EMC1: variants seen among roughly 807,000 people sequenced by gnomAD.
EMC1 encodes ER membrane protein complex subunit 1, also known as KIAA0090.
Under a neutral mutation model 128.8 loss-of-function variants are expected in EMC1, and 103 were observed. The observed-to-expected ratio is 0.80, with a 90% CI of 0.68 to 0.94. EMC1 has a LOEUF of 0.94. Among genes scored for constraint, EMC1 ranks in the 40% least tolerant of loss-of-function variants. The pLI is 0.00. For missense variants in EMC1, 1,083 were observed against 1,250.6 expected, an observed-to-expected ratio of 0.87 and a Z score of 2.02; for synonymous variants, 442 against 490.4, an observed-to-expected ratio of 0.90 and a Z score of 1.30.
intron 17 of EMC1, 132 bp downstream of exon 17, chr1:19,230,712 T>G (rs1339298735): frequency 1.7e-6 from 2 of 1,200,142 alleles, no homozygotes; most frequent in Admixed American, 2.1e-5. Flanking sequence ...TGATTGACTT[T>G]GTATCAGACA....
chr1:19,235,206 C>A lies in EMC1; in HGVS notation c.1356G>T (p.Val452=). ...LWSREESLAE[V]VCLEMVDLPL... ...GGAGGTCCACCATCTCTAGGCACAC[C>A]ACTTCTGCCAGGGACTCCTCACGGC... Residue 452 remains valine (V), a synonymous_variant, in exon 13 of 23, where the codon GTG becomes GTT. Coordinates refer to ENST00000477853, the MANE Select transcript of EMC1 (RefSeq NM_015047.3). The A allele has an allele frequency of 6.2e-7, 1 of 1,613,890 alleles. No individual in the cohort carries two copies. The highest frequency in any genetic ancestry group is 2.2e-5 in the East Asian group (1 of 44,866).
At chr1:19,220,087 G>C (rs947120355) in intron 21 of EMC1, 3 of 203,926 alleles carry the variant, frequency 1.5e-5, no homozygotes, top group Non-Finnish European at 3.0e-5. Context: ...TTATCATCCT[G>C]TGTCTTTTCC....
At chr1:19,236,841 G>C (rs1461124897) in intron 12 of EMC1, among the ~76,000 whole-genome samples, 1 of 151,544 alleles carries the variant, frequency 6.6e-6, no homozygotes, top group Admixed American at 6.6e-5. Flanking sequence ...GGTGGCACAC[G>C]CCTGTAATCC....
Position 19,232,945 on chromosome 1 carries a change from G to A in EMC1, c.1623C>T (p.Ala541=). ...CTTAAACCCCACTCACCTTGCCTGA[G>A]GCTGTTACCATCACCATCATCTTCT... ...NLQKMMVMVT[A]SGKLFGIESS... The change falls in exon 14 of 23, where the codon GCC becomes GCT. Residue 541 remains alanine, a synonymous_variant. Coordinates refer to ENST00000477853, the MANE Select transcript of EMC1 (RefSeq NM_015047.3). 8.1e-6 allele frequency: 13 copies of A among 1,614,050 alleles called. No individual in the cohort carries two copies. Among genetic ancestry groups the A allele is most frequent in the Non-Finnish European group, 1.1e-5 (13 of 1,179,930 alleles).
chr1:19,236,314 A>T (rs2093562965), intron 12 of EMC1, among the ~76,000 whole-genome samples: 1 of 151,634 alleles, frequency 6.6e-6, no homozygotes, highest in African/African-American at 2.4e-5. Context: ...AGCTGAGATT[A>T]CACCATTCCA....
rs2151963886 is a variant in EMC1, at chr1:19,245,025, T to C, written c.101A>G (p.Gln34Arg). 1 of 1,613,836 alleles carries C rather than the reference T, an allele frequency of 6.2e-7. No homozygotes were observed. Among genetic ancestry groups the C allele is most frequent in the South Asian group, 1.1e-5 (1 of 91,068 alleles). The stretch of plus-strand genomic sequence containing the variant: ...AAACTTGACCTTCCCAACATATTGC[T>C]GTCTCCTGAGAAAAAAAGAGTACAG... ...EDQVGKFDWR[Q>R]QYVGKVKFAS... The change falls in exon 2 of 23, where the codon CAG becomes CGG. Residue 34 changes from glutamine to arginine, a missense_variant. Coordinates refer to ENST00000477853, the MANE Select transcript of EMC1 (RefSeq NM_015047.3).
intron 1 of EMC1, 67 bp from the exon 2 acceptor site, chr1:19,245,097 A>G: frequency 6.4e-7 from 1 of 1,566,738 alleles, no homozygotes; most frequent in Middle Eastern, 1.7e-4. Context: ...TGCTCCGGAA[A>G]AAAAATCACA....
At position 19,239,842 on chromosome 1, in the gene EMC1, C is replaced by G. The variant is rs772277358; in HGVS notation, c.930G>C (p.Leu310=). 7.4e-6 allele frequency: 12 copies of G among 1,613,976 alleles called. No individual in the cohort carries two copies. The highest frequency in any genetic ancestry group is 1.0e-5 in the Non-Finnish European group (12 of 1,179,952). ...YALLQYHYGT[L]SLLKNFPQTA... ...CCTGTGGGAAGTTTTTAAGCAAACT[C>G]AGCGTTCCATAATGGTACTGCAGCA... is the stretch of plus-strand genomic sequence containing the variant. The change falls in exon 8 of 23, where the codon CTG becomes CTC. Residue 310 remains leucine (L), a synonymous_variant. Transcript: ENST00000477853.
intron 17 of EMC1, among the ~76,000 whole-genome samples, chr1:19,230,092 G>A (rs2093508402): frequency 6.6e-6 from 1 of 152,178 alleles, no homozygotes; most frequent in South Asian, 2.1e-4. Flanking sequence ...GTTTACAAGA[G>A]TTGGTCTCAA....
chr1:19,228,830 T>A (rs974370561), intron 17 of EMC1, among the ~76,000 whole-genome samples: 1 of 151,806 alleles, frequency 6.6e-6, no homozygotes, highest in Non-Finnish European at 1.5e-5. Context: ...GGCGGGAGGA[T>A]CACTTGAGGT....
chr1:19,251,469 G>T lies in EMC1; in HGVS notation c.41C>A (p.Thr14Lys). The change falls in exon 1 of 23, where the codon ACG becomes AAG. Residue 14 changes from threonine to lysine, a missense_variant. Around this residue, in one of 3 missense-constraint regions of EMC1, gnomAD observed 544 missense variants for 572.4 expected, o/e 0.95. Coordinates refer to ENST00000477853, the MANE Select transcript of EMC1 (RefSeq NM_015047.3). ...EWASRFWLWA[T>K]LLIPAAAVYE... is the part of the protein sequence containing the mutation. ...GACCGCGGCCGCAGGAATCAGCAGC[G>T]TAGCCCAAAGCCAGAAACGAGAAGC... 1 of 1,614,184 alleles carries T rather than the reference G, an allele frequency of 6.2e-7. No individual in the cohort carries two copies. The highest frequency in any genetic ancestry group is 1.1e-5 in the South Asian group (1 of 91,090).
chr1:19,224,753 G>A (rs1260714200), intron 18 of EMC1, among the ~76,000 whole-genome samples: 1 of 152,200 alleles, frequency 6.6e-6, no homozygotes, highest in African/African-American at 2.4e-5. Flanking sequence ...TCTTCACCGT[G>A]CTCCAAAGTG....
intron 1 of EMC1, among the ~76,000 whole-genome samples, chr1:19,248,414 TTTTTG>T (rs913430325): frequency 1.3e-4 from 20 of 151,764 alleles, no homozygotes; most frequent in Admixed American, 3.9e-4. Context: ...CCCAACCTGT[TTTTTG>T]TTTTGTTTTG....
chr1:19,246,218 C>T (rs1052204175), intron 1 of EMC1, among the ~76,000 whole-genome samples: 1 of 151,796 alleles, frequency 6.6e-6, no homozygotes, highest in African/African-American at 2.4e-5. Flanking sequence ...GGTGAGAACC[C>T]ATCTCTACTA....
At chr1:19,240,223 A>G (rs1001560259) in intron 7 of EMC1, 74 bp downstream of exon 7, 35 of 1,575,768 alleles carry the variant, frequency 2.2e-5, no homozygotes, top group South Asian at 4.5e-5. Context: ...AAGACCCTCC[A>G]GGGGAATCAT....
In EMC1 at chr1:19,216,839, T is replaced by C. The variant is rs1262911378; in HGVS notation, c.*2464A>G. The C allele has an allele frequency of 6.6e-6, 1 of 152,238 alleles. No homozygotes were observed. The highest frequency in any genetic ancestry group is 1.5e-5 in the Non-Finnish European group (1 of 68,122). The allele number at this position is 152,238 out of a possible 1,614,324, so 9.4% of individuals were successfully genotyped here. A position where few individuals can be genotyped will look rare whatever the true frequency, so the allele number is the denominator to read the frequency against. On this transcript the variant is annotated 3_prime_UTR_variant, in exon 23 of 23. Coordinates refer to ENST00000477853, the MANE Select transcript of EMC1 (RefSeq NM_015047.3). ...CTGAGTAGCTAGGACCACAGGCACA[T>C]GCCACCAGGCCCGGCTAATTTTTTT...
rs1393048063 is a variant in EMC1 at position 19,233,087 on chromosome 1, AG to A, written c.1480del (p.Leu494CysfsTer42). 1 of 1,614,246 alleles carries A rather than the reference AG, an allele frequency of 6.2e-7. No individual in the cohort carries two copies. On this transcript the variant is annotated frameshift_variant, in exon 14 of 23. Coordinates refer to ENST00000477853, the MANE Select transcript of EMC1 (RefSeq NM_015047.3). LOFTEE classifies it high-confidence loss of function. ...FLKRLSSQLI[L>X]LQAWTSHLWK... ...GAGGTGGGAAGTCCATGCTTGCAGC[AG>A]GATAAGCTGAGACGAGAGGCGTTTC... is the stretch of plus-strand genomic sequence containing the variant.
chr1:19,236,098 G>A (rs1425193071), intron 12 of EMC1, among the ~76,000 whole-genome samples: 1 of 152,040 alleles, frequency 6.6e-6, no homozygotes, highest in Non-Finnish European at 1.5e-5. Flanking sequence ...TAACGGGGCC[G>A]GGCATAGTGG....
chr1:19,222,998 G>C, intron 19 of EMC1, 164 bp from the exon 20 acceptor site: 1 of 609,750 alleles, frequency 1.6e-6, no homozygotes, highest in South Asian at 2.2e-5. Context: ...AACTTTCAAA[G>C]TAGTTTTATC....
Sources: allele counts gnomAD v4.1 joint callset (sites outside exome capture counted in the v4.1 genomes callset), GRCh38; gene constraint gnomAD v4.1.1; regional missense constraint gnomAD v4.1.1; transcripts MANE v1.5; gene names NCBI Gene and HGNC (gene_info 2026-07-23, HGNC 2026-07-21).